Variants in HCN1 observed in about 807,000 individuals in gnomAD.
HCN1 encodes hyperpolarization activated cyclic nucleotide gated potassium channel 1, also known as potassium/sodium hyperpolarization-activated cyclic nucleotide-gated channel 1.
Under a neutral mutation model 78.9 loss-of-function variants are expected in HCN1, and 13 were observed. The observed-to-expected ratio is 0.16, with a 90% CI of 0.11 to 0.26. The LOEUF (loss-of-function observed/expected upper bound fraction) is 0.26. Among genes scored for constraint, HCN1 ranks in the 10% least tolerant of loss-of-function variants. HCN1 has a pLI of 1.00. For missense variants in HCN1, 810 were observed against 1,154.3 expected (o/e 0.70, Z 4.32); for synonymous variants, 552 against 455.5 (o/e 1.21, Z -2.70).
chr5:45,353,051 A>T, intron 5 of HCN1, 49 bp downstream of exon 5: 1 of 1,487,142 alleles, frequency 6.7e-7, no homozygotes, highest in South Asian at 1.1e-5. Context: ...TGAAGAGAGA[A>T]AATAAACAAT....
intron 2 of HCN1, among the ~76,000 whole-genome samples, chr5:45,470,836 A>G (rs971754600): frequency 4.0e-5 from 6 of 151,876 alleles, no homozygotes; most frequent in African/African-American, 1.4e-4. Context: ...TGAACCCTTA[A>G]CTTTTCTAGA....
At chr5:45,462,552 G>A (rs1271328281) in intron 2 of HCN1, among the ~76,000 whole-genome samples, 1 of 152,018 alleles carries the variant, frequency 6.6e-6, no homozygotes, top group African/African-American at 2.4e-5. Flanking sequence ...AACATAAATA[G>A]AAGCCTTTGA....
intron 3 of HCN1, among the ~76,000 whole-genome samples, chr5:45,424,382 A>G (rs1439449467): frequency 2.6e-5 from 4 of 152,126 alleles, no homozygotes. Context: ...GTGTCAACAT[A>G]TTAATTTCCT....
intron 4 of HCN1, 114 bp from the exon 5 acceptor site, chr5:45,353,360 A>AG: frequency 1.2e-6 from 1 of 805,452 alleles, no homozygotes; most frequent in South Asian, 1.6e-5. Flanking sequence ...ACAAAAAAAA[A>AG]GAAATCCTTT....
intron 2 of HCN1, among the ~76,000 whole-genome samples, chr5:45,464,178 T>C (rs752618974): frequency 3.3e-5 from 5 of 152,126 alleles, no homozygotes; most frequent in Non-Finnish European, 7.4e-5. Flanking sequence ...TCAATTCCTT[T>C]AAGAAAACCC....
chr5:45,467,154 T>C (rs747110122), intron 2 of HCN1, among the ~76,000 whole-genome samples: 1 of 152,050 alleles, frequency 6.6e-6, no homozygotes, highest in African/African-American at 2.4e-5. Flanking sequence ...CACGAAATGC[T>C]TTCTCTACTT....
chr5:45,632,184 C>A (rs1745280255), intron 2 of HCN1, among the ~76,000 whole-genome samples: 1 of 151,878 alleles, frequency 6.6e-6, no homozygotes, highest in South Asian at 2.1e-4. Context: ...GTTTCCTCAA[C>A]CTCAATACTC....
chr5:45,644,266 G>A (rs1745505403), intron 2 of HCN1: 3 of 152,114 alleles, frequency 2.0e-5, no homozygotes, highest in Non-Finnish European at 4.4e-5. Context: ...GTCGATTTAG[G>A]CATTCTACAA....
Position 45,631,463 on chromosome 5 carries a change from C to T in HCN1, c.849+13722G>A, listed in dbSNP as rs113080188. On this transcript the variant is annotated intron_variant, in intron 2 of 7. Coordinates refer to ENST00000303230, the MANE Select transcript of HCN1 (RefSeq NM_021072.4). ...GGTATGAGATGACAAGAAGCAGGAC[C>T]GCTAGCCCACCTATGATGGTTATGT... Among the ~76,000 whole-genome samples, 22 of 152,134 alleles carry T rather than the reference C, an allele frequency of 1.4e-4. 1 individual carries two copies. The highest frequency in any genetic ancestry group is 4.8e-4 in the African/African-American group (20 of 41,512).
At chr5:45,328,595 C>T (rs1195344102) in intron 5 of HCN1, among the ~76,000 whole-genome samples, 1 of 151,618 alleles carries the variant, frequency 6.6e-6, no homozygotes, top group Non-Finnish European at 1.5e-5. Context: ...TGAAGTGACT[C>T]AAGCATTGTG....
At chr5:45,637,011 G>A (rs1000019645) in intron 2 of HCN1, among the ~76,000 whole-genome samples, 1 of 152,100 alleles carries the variant, frequency 6.6e-6, no homozygotes, top group African/African-American at 2.4e-5. Context: ...CAAAGTGTAT[G>A]TTCAACAATA....
intron 7 of HCN1, among the ~76,000 whole-genome samples, chr5:45,265,137 C>T (rs1171277552): frequency 6.6e-6 from 1 of 151,460 alleles, no homozygotes; most frequent in African/African-American, 2.4e-5. Flanking sequence ...CTGCAGTGAG[C>T]CGAGATCACA....
chr5:45,421,365 A>G (rs1740225066), intron 3 of HCN1, among the ~76,000 whole-genome samples: 1 of 152,186 alleles, frequency 6.6e-6, no homozygotes, highest in African/African-American at 2.4e-5. Flanking sequence ...CCCGGCCAGC[A>G]GCATGGTTTT....
intron 2 of HCN1, among the ~76,000 whole-genome samples, chr5:45,599,538 T>C (rs972955992): frequency 1.3e-5 from 2 of 152,056 alleles, no homozygotes; most frequent in African/African-American, 4.8e-5. Context: ...TAAAGTATAA[T>C]TTAAAAAGAT....
At chr5:45,610,082 A>G (rs1289121274) in intron 2 of HCN1, among the ~76,000 whole-genome samples, 1 of 152,150 alleles carries the variant, frequency 6.6e-6, no homozygotes, top group Admixed American at 6.6e-5. Context: ...AGGAACTGAG[A>G]GGATAAGGTT....
At chr5:45,339,126 T>C (rs1045277033) in intron 5 of HCN1, among the ~76,000 whole-genome samples, 10 of 152,268 alleles carry the variant, frequency 6.6e-5, no homozygotes, top group Admixed American at 6.5e-4. Flanking sequence ...CTTAGTATGA[T>C]TTTCATTCAC....
intron 2 of HCN1, among the ~76,000 whole-genome samples, chr5:45,581,733 G>A (rs1579981403): frequency 6.6e-6 from 1 of 152,092 alleles, no homozygotes; most frequent in African/African-American, 2.4e-5. Context: ...ACAGCTTTCT[G>A]CATATGACTA....
intron 5 of HCN1, among the ~76,000 whole-genome samples, chr5:45,349,224 C>G (rs1034247323): frequency 5.3e-5 from 8 of 152,192 alleles, no homozygotes; most frequent in African/African-American, 1.9e-4. Flanking sequence ...GAAACTCACT[C>G]AAAGCCACTC....
intron 4 of HCN1, among the ~76,000 whole-genome samples, chr5:45,387,747 A>G (rs954124133): frequency 6.6e-6 from 1 of 152,158 alleles, no homozygotes; most frequent in African/African-American, 2.4e-5. Context: ...TATTAGTGGG[A>G]CATACGTTCC....
Sources: allele counts gnomAD v4.1 joint callset (sites outside exome capture counted in the v4.1 genomes callset), GRCh38; gene constraint gnomAD v4.1.1; transcripts MANE v1.5; gene names NCBI Gene and HGNC (gene_info 2026-07-23, HGNC 2026-07-21).